Variants in GRM3 observed in about 807,000 individuals in gnomAD.
The protein encoded by GRM3 is metabotropic glutamate receptor 3.
A neutral mutation model predicts 70.5 loss-of-function variants in GRM3; 26 were observed. The ratio of observed to expected loss-of-function variants is 0.37; its 90% CI spans 0.27 to 0.51. The LOEUF (loss-of-function observed/expected upper bound fraction) is 0.51, where lower values mean the gene tolerates loss of function less well. Among genes scored for constraint, GRM3 ranks in the 20% least tolerant of loss-of-function variants. The probability of loss-of-function intolerance (pLI) is 0.93; values close to 1 mark genes in which losing one functional copy is unlikely to be tolerated. For missense variants in GRM3, 859 were observed against 1,123.8 expected (o/e 0.76, Z 3.37); for synonymous variants, 443 against 434.9 (o/e 1.02, Z -0.23).
Position 86,850,539 on chromosome 7 carries a change from C to G in GRM3, c.2561C>G (p.Ser854Cys), listed in dbSNP as rs773970048. Residue 854 changes from serine (S) to cysteine (C), a missense_variant, in exon 5 of 6, where the codon TCT becomes TGT. Ser to Cys is a moderately radical substitution (Grantham distance 112). Coordinates refer to ENST00000361669, the MANE Select transcript of GRM3 (RefSeq NM_000840.3). Reference protein sequence around the residue: ...FSVSGTGTTYSQSSASTYVPT... With the variant: ...FSVSGTGTTYCQSSASTYVPT... ...GTCAGTGGAACTGGGACCACATACT[C>G]TCAGTGTAAGTATGGAACTCAGCAC... 1.0e-4 allele frequency: 162 copies of G among 1,598,186 alleles called. No homozygotes were observed. The highest frequency in any genetic ancestry group is 1.3e-4 in the Non-Finnish European group (152 of 1,165,892).
intron 1 of GRM3, among the ~76,000 whole-genome samples, chr7:86,692,867 G>A (rs1794726428): frequency 6.6e-6 from 1 of 152,150 alleles, no homozygotes; most frequent in African/African-American, 2.4e-5. Context: ...AAAACCAATA[G>A]TAAAGCAGGT....
At chr7:86,760,927 T>G (rs1327336980) in intron 1 of GRM3, among the ~76,000 whole-genome samples, 1 of 152,140 alleles carries the variant, frequency 6.6e-6, no homozygotes, top group African/African-American at 2.4e-5. Context: ...ATATCTAATT[T>G]TTAAATTTAT....
At chr7:86,692,193 G>T (rs1794710960) in intron 1 of GRM3, among the ~76,000 whole-genome samples, 1 of 152,042 alleles carries the variant, frequency 6.6e-6, no homozygotes, top group Non-Finnish European at 1.5e-5. Flanking sequence ...CCATACTTTG[G>T]GCTTGTTTCC....
At chr7:86,759,005 T>C (rs1478433088) in intron 1 of GRM3, among the ~76,000 whole-genome samples, 2 of 152,148 alleles carry the variant, frequency 1.3e-5, no homozygotes, top group African/African-American at 2.4e-5. Context: ...CCTAATGTTT[T>C]TGTTGTTTAA....
chr7:86,813,535 A>G (rs1032488544), intron 3 of GRM3, among the ~76,000 whole-genome samples: 4 of 151,816 alleles, frequency 2.6e-5, no homozygotes, highest in Non-Finnish European at 5.9e-5. Flanking sequence ...CATTAGCCTG[A>G]TCATCTGAGT....
At position 86,850,551 on chromosome 7, in the gene GRM3, A is replaced by C; in HGVS notation, c.2566+7A>C. 6.3e-7 allele frequency: 1 copy of C among 1,588,186 alleles called. No individual in the cohort carries two copies. Among genetic ancestry groups the C allele is most frequent in the South Asian group, 1.1e-5 (1 of 90,528 alleles). On this transcript the variant is annotated splice_region_variant and intron_variant, in intron 5 of 5. Coordinates refer to ENST00000361669, the MANE Select transcript of GRM3 (RefSeq NM_000840.3). Reference sequence around the variant, plus strand: ...GGGACCACATACTCTCAGTGTAAGTATGGAACTCAGCACTAACTCCTTCAT... The same window carrying C: ...GGGACCACATACTCTCAGTGTAAGTCTGGAACTCAGCACTAACTCCTTCAT...
chr7:86,784,720 A>T (rs1797178356), intron 2 of GRM3: 1 of 152,232 alleles, frequency 6.6e-6, no homozygotes, highest in Non-Finnish European at 1.5e-5. Flanking sequence ...ATTCACCTCC[A>T]TTCCCCTGGA....
At chr7:86,684,052 A>AT (rs111537366) in intron 1 of GRM3, among the ~76,000 whole-genome samples, 3,793 of 149,400 alleles carry the variant, frequency 0.025, 167 homozygotes, top group African/African-American at 0.086. Context: ...TTTGCTGGGG[A>AT]TTTTTTTTTT....
chr7:86,852,511 A>G (rs1337424045), intron 5 of GRM3, among the ~76,000 whole-genome samples: 1 of 152,168 alleles, frequency 6.6e-6, no homozygotes, highest in Non-Finnish European at 1.5e-5. Flanking sequence ...ACTATTATTC[A>G]GTATGCTAAT....
intron 3 of GRM3, among the ~76,000 whole-genome samples, chr7:86,829,878 G>C (rs1798316301): frequency 6.6e-6 from 1 of 152,188 alleles, no homozygotes; most frequent in African/African-American, 2.4e-5. Context: ...TGATAGACTT[G>C]TTCGATGCAG....
At chr7:86,730,638 A>G (rs1174991287) in intron 1 of GRM3, among the ~76,000 whole-genome samples, 1 of 152,234 alleles carries the variant, frequency 6.6e-6, no homozygotes, top group Non-Finnish European at 1.5e-5. Flanking sequence ...TTACGTAACA[A>G]TTATTGGTCA....
chr7:86,809,436 T>A (rs1050762494), intron 3 of GRM3, among the ~76,000 whole-genome samples: 5 of 152,076 alleles, frequency 3.3e-5, no homozygotes, highest in African/African-American at 1.2e-4. Context: ...TATTATTCTC[T>A]GTGTAAATCT....
Position 86,748,161 on chromosome 7 carries a change from C to A in GRM3, c.-140-16845C>A, listed in dbSNP as rs190914335. Reference sequence around the variant, plus strand: ...TTGTTTTAATCTTTCACCTTTTCACCATTGTTCTCAGAGCATACACTTTAT... The same window carrying A: ...TTGTTTTAATCTTTCACCTTTTCACAATTGTTCTCAGAGCATACACTTTAT... On this transcript the variant is annotated intron_variant, in intron 1 of 5. Coordinates refer to ENST00000361669, the MANE Select transcript of GRM3 (RefSeq NM_000840.3). Among the ~76,000 whole-genome samples, 117 of 152,018 alleles carry A rather than the reference C, an allele frequency of 7.7e-4. No homozygotes were observed. In the Middle Eastern group the frequency reaches 0.02, roughly 27 times the overall value.
At chr7:86,756,223 C>T (rs1321719998) in intron 1 of GRM3, among the ~76,000 whole-genome samples, 1 of 152,100 alleles carries the variant, frequency 6.6e-6, no homozygotes, top group Admixed American at 6.6e-5. Flanking sequence ...GGATTACAGG[C>T]ACACACCACC....
chr7:86,852,742 CA>C (rs1447781704), intron 5 of GRM3, among the ~76,000 whole-genome samples: 1 of 152,076 alleles, frequency 6.6e-6, no homozygotes, highest in Admixed American at 6.6e-5. Context: ...GCATAAGTAA[CA>C]AATACATTCA....
chr7:86,697,746 T>C (rs1420493775), intron 1 of GRM3, among the ~76,000 whole-genome samples: 2 of 152,086 alleles, frequency 1.3e-5, no homozygotes, highest in African/African-American at 4.8e-5. Flanking sequence ...CACAGACTAT[T>C]TACGGTGTAT....
intron 1 of GRM3, among the ~76,000 whole-genome samples, chr7:86,669,252 G>A (rs1794109713): frequency 6.6e-6 from 1 of 152,130 alleles, no homozygotes. Flanking sequence ...AATCACTAGG[G>A]CTGGGGCCCA....
intron 1 of GRM3, among the ~76,000 whole-genome samples, chr7:86,760,149 A>T (rs1358729501): frequency 2.0e-5 from 3 of 152,136 alleles, no homozygotes; most frequent in South Asian, 2.1e-4. Flanking sequence ...CTGGCATTTT[A>T]TCTCCCAGGT....
intron 1 of GRM3, among the ~76,000 whole-genome samples, chr7:86,652,947 C>T (rs1793643302): frequency 6.6e-6 from 1 of 152,184 alleles, no homozygotes; most frequent in South Asian, 2.1e-4. Flanking sequence ...AGTAAGTAAA[C>T]TTCTGATTAT....
Sources: allele counts gnomAD v4.1 joint callset (sites outside exome capture counted in the v4.1 genomes callset), GRCh38; gene constraint gnomAD v4.1.1; transcripts MANE v1.5; gene names NCBI Gene and HGNC (gene_info 2026-07-23, HGNC 2026-07-21).